The following PWWP3B variants were observed in gnomAD, a reference collection of about 807,000 sequenced individuals.
The protein encoded by PWWP3B is PWWP domain containing 3B.
A neutral mutation model predicts 15.7 loss-of-function variants in PWWP3B; 5 were observed. That is an observed-to-expected ratio of 0.32 (90% CI 0.17 to 0.67). The LOEUF (loss-of-function observed/expected upper bound fraction) is 0.67, where lower values mean the gene tolerates loss of function less well. Among genes scored for constraint, PWWP3B ranks in the 30% least tolerant of loss-of-function variants. PWWP3B has a pLI of 0.74. For missense variants in PWWP3B, 519 were observed against 493.1 expected, an observed-to-expected ratio of 1.05 and a Z score of -0.50; for synonymous variants, 203 against 179.8, an observed-to-expected ratio of 1.13 and a Z score of -1.03.
intron 2 of PWWP3B, among the ~76,000 whole-genome samples, chrX:106,195,665 C>G (rs1257627607): frequency 8.9e-6 from 1 of 111,772 alleles, no homozygotes; most frequent in Non-Finnish European, 1.9e-5. Flanking sequence ...ATCTATAGGT[C>G]AATCCTATGT....
At chrX:106,181,834 G>C (rs1922226073) in intron 2 of PWWP3B, among the ~76,000 whole-genome samples, 1 of 112,007 alleles carries the variant, frequency 8.9e-6, no homozygotes, top group African/African-American at 3.2e-5. Flanking sequence ...ACCATCTGTA[G>C]CTTGATGGCC....
At chrX:106,194,573 A>C (rs1199283516) in intron 2 of PWWP3B, among the ~76,000 whole-genome samples, 1 of 111,510 alleles carries the variant, frequency 9.0e-6, no homozygotes, top group Admixed American at 9.5e-5. Context: ...GCTTTGTTCC[A>C]TTGCTGTTGA....
chrX:106,183,415 G>T (rs1288909782), intron 2 of PWWP3B, among the ~76,000 whole-genome samples: 1 of 111,503 alleles, frequency 9.0e-6, no homozygotes, highest in Non-Finnish European at 1.9e-5. Flanking sequence ...GCCTGATTTG[G>T]ACTGGGTGGG....
intron 2 of PWWP3B, among the ~76,000 whole-genome samples, chrX:106,186,250 G>T (rs896142841): frequency 5.4e-5 from 6 of 110,651 alleles, no homozygotes; most frequent in Non-Finnish European, 1.1e-4. Context: ...TTGTTGTCAG[G>T]ACCCCAGAGC....
At chrX:106,202,515 A>G (rs1385650473) in intron 2 of PWWP3B, among the ~76,000 whole-genome samples, 1 of 111,389 alleles carries the variant, frequency 9.0e-6, no homozygotes, top group Non-Finnish European at 1.9e-5. Flanking sequence ...CCAATAGTGG[A>G]AATTTTCCTG....
chrX:106,192,271 G>A (rs1283821727), intron 2 of PWWP3B, among the ~76,000 whole-genome samples: 1 of 111,258 alleles, frequency 9.0e-6, no homozygotes, highest in African/African-American at 3.3e-5. Context: ...TACTCTTGGG[G>A]GGATGTATGT....
chrX:106,206,288 C>T lies in PWWP3B; in HGVS notation c.856C>T (p.Pro286Ser), dbSNP rs757599605. 5.8e-6 allele frequency: 7 copies of T among 1,205,433 alleles called. No homozygotes were observed. The highest frequency in any genetic ancestry group is 7.8e-6 in the Non-Finnish European group (7 of 892,017). ...SENIEDPGEG[P>S]SNPCLDTSQN... Reference sequence around the variant, plus strand: ...GAATATTGAGGATCCTGGAGAGGGTCCCTCAAATCCATGCTTAGATACCAG... The same window carrying T: ...GAATATTGAGGATCCTGGAGAGGGTTCCTCAAATCCATGCTTAGATACCAG... The change falls in exon 4 of 4, where the codon CCC (proline) becomes TCC (serine). Residue 286 changes from proline to serine, a missense_variant. Pro to Ser is a moderately conservative substitution (Grantham distance 74). Transcript: ENST00000357175.
intron 2 of PWWP3B, among the ~76,000 whole-genome samples, 192 bp from the exon 3 acceptor site, chrX:106,203,793 C>T (rs1353467805): frequency 8.9e-6 from 1 of 111,742 alleles, no homozygotes. Flanking sequence ...AACAAAATAG[C>T]ATAAATTTAT....
intron 2 of PWWP3B, among the ~76,000 whole-genome samples, chrX:106,198,362 A>T (rs1923500483): frequency 9.0e-6 from 1 of 111,557 alleles, no homozygotes; most frequent in Admixed American, 9.6e-5. Context: ...TATTGTAAAC[A>T]CACCCTAGAT....
rs775399825 is a variant in PWWP3B at position 106,185,315 on chromosome X, A to G, written c.-401+14176A>G. Among the ~76,000 whole-genome samples, 8 of 111,312 alleles carry G rather than the reference A, an allele frequency of 7.2e-5. No individual in the cohort carries two copies. In the South Asian group the frequency reaches 2.7e-3, roughly 37 times the overall value. Reference sequence around the variant, plus strand: ...TACCTGAGTGTTTCCCATCTGAAAGACAAAACTGCCCATGGTTTTGGGTTG... The same window carrying G: ...TACCTGAGTGTTTCCCATCTGAAAGGCAAAACTGCCCATGGTTTTGGGTTG... On this transcript the variant is annotated intron_variant, in intron 2 of 3. Coordinates refer to ENST00000357175, the MANE Select transcript of PWWP3B (RefSeq NM_001171020.2).
intron 2 of PWWP3B, among the ~76,000 whole-genome samples, chrX:106,203,636 G>A (rs763125939): frequency 8.9e-6 from 1 of 112,014 alleles, no homozygotes; most frequent in African/African-American, 3.2e-5. Context: ...AATTGTATGT[G>A]TAAAGAAGAA....
rs1199004181 is a variant in PWWP3B, at chrX:106,168,437, A to T, written c.-529+12A>T. The T allele has an allele frequency of 8.9e-6, 1 of 112,333 alleles. No homozygotes were observed. The highest frequency in any genetic ancestry group is 3.2e-5 in the African/African-American group (1 of 30,901). 9.3% of individuals were successfully genotyped at this position (112,333 alleles called of 1,213,427 possible). On this transcript the variant is annotated intron_variant, in intron 1 of 3. Coordinates refer to ENST00000357175, the MANE Select transcript of PWWP3B (RefSeq NM_001171020.2). Reference sequence around the variant, plus strand: ...GATTTGGAATAAAGGTGAGAAAAGAAGAGAGTGCTGCTTAGGAATAACGGG... The same window carrying T: ...GATTTGGAATAAAGGTGAGAAAAGATGAGAGTGCTGCTTAGGAATAACGGG...
At chrX:106,184,120 C>G (rs1922369258) in intron 2 of PWWP3B, among the ~76,000 whole-genome samples, 2 of 111,723 alleles carry the variant, frequency 1.8e-5, no homozygotes, top group African/African-American at 6.5e-5. Flanking sequence ...TTTCTCTGAT[C>G]TCGCTTTTCC....
At chrX:106,187,531 G>T (rs892150539) in intron 2 of PWWP3B, among the ~76,000 whole-genome samples, 1 of 111,596 alleles carries the variant, frequency 9.0e-6, no homozygotes, top group Admixed American at 9.5e-5. Flanking sequence ...AGGGATTATG[G>T]AGTCTCTTTG....
chrX:106,181,290 C>G (rs922434537), intron 2 of PWWP3B, among the ~76,000 whole-genome samples: 10 of 111,644 alleles, frequency 9.0e-5, no homozygotes, highest in Admixed American at 2.8e-4. Context: ...GTTGCCACTG[C>G]TGGCTGGGGT....
rs1444628733 is a variant in PWWP3B at position 106,205,351 on chromosome X, T to G, written c.-82T>G. 1.1e-6 allele frequency: 1 copy of G among 898,082 alleles called. No homozygotes were observed. Among genetic ancestry groups the G allele is most frequent in the Non-Finnish European group, 1.5e-6 (1 of 662,393 alleles). The allele number at this position is 898,082 out of a possible 1,213,427, so 74.0% of individuals were successfully genotyped here. On this transcript the variant is annotated 5_prime_UTR_variant, in exon 4 of 4. Coordinates refer to ENST00000357175, the MANE Select transcript of PWWP3B (RefSeq NM_001171020.2). ...AGAGGATTTGTTAAGAGTATTGTTTTGGGTAGAACTTGCATTAGCAGTGAC... is the reference window on the plus strand; with the variant it reads ...AGAGGATTTGTTAAGAGTATTGTTTGGGGTAGAACTTGCATTAGCAGTGAC...
intron 2 of PWWP3B, among the ~76,000 whole-genome samples, chrX:106,173,522 G>T (rs1002491592): frequency 9.1e-6 from 1 of 110,349 alleles, no homozygotes; most frequent in African/African-American, 3.3e-5. Flanking sequence ...TTTTTTATCT[G>T]ATCTCTTTTC....
chrX:106,204,803 G>A (rs1001721447), intron 3 of PWWP3B, among the ~76,000 whole-genome samples: 1 of 111,827 alleles, frequency 8.9e-6, no homozygotes, highest in Admixed American at 9.5e-5. Flanking sequence ...AAACTCTCAT[G>A]ATGGGGCCTA....
At chrX:106,195,757 TTGTC>T (rs1196114718) in intron 2 of PWWP3B, among the ~76,000 whole-genome samples, 7 of 111,934 alleles carry the variant, frequency 6.3e-5, no homozygotes, top group Non-Finnish European at 1.1e-4. Flanking sequence ...TTCTCAAAAT[TTGTC>T]TGGCTGTTCT....
Sources: allele counts gnomAD v4.1 joint callset (sites outside exome capture counted in the v4.1 genomes callset), GRCh38; gene constraint gnomAD v4.1.1; transcripts MANE v1.5; gene names NCBI Gene and HGNC (gene_info 2026-07-23, HGNC 2026-07-21).